Variants in PARD3 observed in about 807,000 individuals in gnomAD.
PARD3 encodes the protein partitioning defective 3 homolog.
PARD3 carries 75 observed loss-of-function variants against 155.4 expected under a neutral mutation model. The observed-to-expected ratio is 0.48, with a 90% confidence interval of 0.40 to 0.58. The LOEUF (loss-of-function observed/expected upper bound fraction) is 0.58. Ranked by LOEUF, PARD3 falls within the 20% of genes least tolerant of loss-of-function variation. The pLI, the probability that PARD3 is intolerant of heterozygous loss-of-function variation, is 0.00. For synonymous variants in PARD3, 576 were observed against 610.5 expected (o/e 0.94, Z 0.83); for missense variants, 1,642 against 1,721.7 (o/e 0.95, Z 0.82).
At chr10:34,553,180 T>A (rs2133984620) in intron 2 of PARD3, among the ~76,000 whole-genome samples, 1 of 152,254 alleles carries the variant, frequency 6.6e-6, no homozygotes, top group African/African-American at 2.4e-5. Context: ...GCAGCCAGGT[T>A]CAGAGTGGTG....
At chr10:34,443,101 T>C (rs973989217) in intron 5 of PARD3, among the ~76,000 whole-genome samples, 1 of 152,106 alleles carries the variant, frequency 6.6e-6, no homozygotes, top group Non-Finnish European at 1.5e-5. Context: ...GAACCACAGG[T>C]TGATCATCCC....
chr10:34,548,528 C>T (rs868522872), intron 2 of PARD3, among the ~76,000 whole-genome samples: 2 of 151,012 alleles, frequency 1.3e-5, no homozygotes, highest in African/African-American at 2.4e-5. Context: ...AATAAAATAG[C>T]GTGGTCACGT....
intron 22 of PARD3, among the ~76,000 whole-genome samples, chr10:34,179,244 A>G (rs1287711830): frequency 2.0e-5 from 3 of 152,218 alleles, no homozygotes; most frequent in African/African-American, 7.2e-5. Flanking sequence ...TGCAGGTCAC[A>G]GAGGCCCTAA....
At chr10:34,758,905 G>C (rs374870271) in intron 1 of PARD3, among the ~76,000 whole-genome samples, 32 of 152,244 alleles carry the variant, frequency 2.1e-4, no homozygotes, top group African/African-American at 7.0e-4. Context: ...GCTAAATTAG[G>C]TCATGATAGA....
intron 22 of PARD3, among the ~76,000 whole-genome samples, chr10:34,218,975 C>T (rs963439171): frequency 6.6e-6 from 1 of 152,176 alleles, no homozygotes; most frequent in Admixed American, 6.5e-5. Context: ...CAAATCATCA[C>T]AGGATTTCAG....
At chr10:34,318,589 TATA>T (rs1317979279) in intron 19 of PARD3, among the ~76,000 whole-genome samples, 1 of 152,152 alleles carries the variant, frequency 6.6e-6, no homozygotes, top group East Asian at 1.9e-4. Context: ...TTATCGTGGG[TATA>T]ATAAGACCAG....
At chr10:34,504,335 C>T (rs2080908650) in intron 3 of PARD3, among the ~76,000 whole-genome samples, 1 of 151,054 alleles carries the variant, frequency 6.6e-6, no homozygotes, top group Non-Finnish European at 1.5e-5. Flanking sequence ...GGTGCCCATG[C>T]TGGTCTTGAA....
rs1160070407 is a variant in PARD3 at position 34,510,350 on chromosome 10, T to C, written c.403+6629A>G. ...AGCCTCCGTCAAAGGCAAGCCATGA[T>C]AGCTGCCCCCTAACTACAGCAAGCT... On this transcript the variant is annotated intron_variant, in intron 3 of 24. Transcript: ENST00000374788. Among the ~76,000 whole-genome samples, 5 of 152,198 alleles carry C rather than the reference T, an allele frequency of 3.3e-5. No homozygotes were observed. In the East Asian group the frequency reaches 9.6e-4, roughly 29 times the overall value.
chr10:34,516,363 C>CA (rs2081765806), intron 3 of PARD3, among the ~76,000 whole-genome samples: 1 of 152,164 alleles, frequency 6.6e-6, no homozygotes, highest in African/African-American at 2.4e-5. Flanking sequence ...ATATTTGTAG[C>CA]AAAAATACCT....
intron 2 of PARD3, among the ~76,000 whole-genome samples, chr10:34,578,890 T>C (rs2087130132): frequency 6.6e-6 from 1 of 152,252 alleles, no homozygotes; most frequent in African/African-American, 2.4e-5. Flanking sequence ...GTTGAATTTA[T>C]ACCACTTATA....
chr10:34,411,878 T>G (rs1441517135), intron 5 of PARD3, among the ~76,000 whole-genome samples: 3 of 151,280 alleles, frequency 2.0e-5, no homozygotes, highest in Non-Finnish European at 4.4e-5. Flanking sequence ...TTATCAGGAG[T>G]TTTTTTTCTA....
intron 6 of PARD3, 63 bp from the exon 7 acceptor site, chr10:34,399,476 A>G (rs1178589723): frequency 9.6e-7 from 1 of 1,036,732 alleles, no homozygotes; most frequent in East Asian, 2.4e-5. Flanking sequence ...AAACCAAAAC[A>G]AAACAAAACA....
intron 2 of PARD3, among the ~76,000 whole-genome samples, chr10:34,634,391 G>A (rs546407436): frequency 2.6e-5 from 4 of 151,904 alleles, no homozygotes; most frequent in Admixed American, 2.0e-4. Flanking sequence ...GGAAGGATGC[G>A]GGAAAAAAAA....
intron 5 of PARD3, among the ~76,000 whole-genome samples, chr10:34,431,868 T>G (rs1268744908): frequency 6.8e-6 from 1 of 146,434 alleles, no homozygotes; most frequent in Non-Finnish European, 1.5e-5. Context: ...GCTAACACGG[T>G]GAAACCCCGT....
intron 3 of PARD3, among the ~76,000 whole-genome samples, chr10:34,489,695 G>C (rs2079755327): frequency 6.6e-6 from 1 of 152,246 alleles, no homozygotes; most frequent in East Asian, 1.9e-4. Flanking sequence ...TCCTCCTTAA[G>C]GAAAGAGTAA....
chr10:34,600,313 C>T (rs965808999), intron 2 of PARD3, among the ~76,000 whole-genome samples: 2 of 151,888 alleles, frequency 1.3e-5, no homozygotes, highest in Non-Finnish European at 2.9e-5. Context: ...CCACTGCACT[C>T]CAGCCTGGGC....
chr10:34,706,160 C>G (rs2094358994), intron 1 of PARD3, among the ~76,000 whole-genome samples: 1 of 152,160 alleles, frequency 6.6e-6, no homozygotes, highest in East Asian at 1.9e-4. Context: ...CTGCATTTTA[C>G]AATTTTAAAA....
chr10:34,390,527 A>G (rs1241914088), intron 7 of PARD3, among the ~76,000 whole-genome samples: 2 of 152,226 alleles, frequency 1.3e-5, no homozygotes, highest in African/African-American at 2.4e-5. Context: ...TACAAAAGTC[A>G]TGATTCCTAT....
At position 34,638,515 on chromosome 10, in the gene PARD3, A is replaced by T. The variant is rs150380967; in HGVS notation, c.222+57803T>A. Among the ~76,000 whole-genome samples the T allele has an allele frequency of 1.4e-3, 207 of 152,336 alleles. 1 individual carries two copies. Among genetic ancestry groups the T allele is most frequent in the Admixed American group, 4.1e-3 (63 of 15,296 alleles). ...TATGACACCTATGATAACTTTCATG[A>T]CAACATTCTAAAATAAAATGTAACT... On this transcript the variant is annotated intron_variant, in intron 2 of 24. Coordinates refer to ENST00000374788, the MANE Select transcript of PARD3 (RefSeq NM_001184785.2).
Sources: gnomAD v4.1 joint callset for allele counts (sites outside exome capture counted in the v4.1 genomes callset) on GRCh38, gnomAD v4.1.1 for gene constraint, MANE v1.5 for transcripts, NCBI Gene and HGNC (gene_info 2026-07-23, HGNC 2026-07-21) for gene names.